Variants in ZNF521 observed in about 807,000 individuals in gnomAD.
The protein encoded by ZNF521 is LYST-interacting protein 3.
Under a neutral mutation model 105.5 loss-of-function variants are expected in ZNF521, and 14 were observed. That is an observed-to-expected ratio of 0.13 (90% confidence interval 0.09 to 0.21). ZNF521 has a LOEUF of 0.21. Among genes scored for constraint, ZNF521 ranks in the 10% least tolerant of loss-of-function variants. The probability of loss-of-function intolerance (pLI) is 1.00; values close to 1 mark genes in which losing one functional copy is unlikely to be tolerated. For missense variants in ZNF521, 1,233 were observed against 1,629.7 expected (o/e 0.76, Z 4.19); for synonymous variants, 635 against 606.0 (o/e 1.05, Z -0.70).
chr18:25,143,525 C>G (rs981454360), intron 5 of ZNF521, among the ~76,000 whole-genome samples: 2 of 152,124 alleles, frequency 1.3e-5, no homozygotes, highest in African/African-American at 4.8e-5. Context: ...AACTGCTAGC[C>G]TTCAGTTTAA....
chr18:25,350,171 C>T (rs915874760), intron 2 of ZNF521, among the ~76,000 whole-genome samples: 1 of 152,192 alleles, frequency 6.6e-6, no homozygotes, highest in Non-Finnish European at 1.5e-5. Context: ...GCACGCCCCG[C>T]AACTTCCCTC....
intron 5 of ZNF521, among the ~76,000 whole-genome samples, chr18:25,111,613 C>T (rs1231524675): frequency 6.6e-6 from 1 of 152,208 alleles, no homozygotes; most frequent in African/African-American, 2.4e-5. Flanking sequence ...AGTCAGTGAA[C>T]AATGTGCAGA....
chr18:25,173,364 A>G (rs1432791879), intron 5 of ZNF521, among the ~76,000 whole-genome samples: 1 of 152,170 alleles, frequency 6.6e-6, no homozygotes, highest in East Asian at 1.9e-4. Flanking sequence ...TCTGACCTGG[A>G]CACCTTTTCC....
At chr18:25,099,792 C>T (rs1029481607) in intron 5 of ZNF521, among the ~76,000 whole-genome samples, 2 of 152,144 alleles carry the variant, frequency 1.3e-5, no homozygotes, top group Non-Finnish European at 2.9e-5. Context: ...CTGGGACTTC[C>T]GGCAGTAGTG....
intron 5 of ZNF521, among the ~76,000 whole-genome samples, chr18:25,173,654 T>C (rs2035486070): frequency 6.6e-6 from 1 of 152,148 alleles, no homozygotes; most frequent in African/African-American, 2.4e-5. Context: ...GGGGAATAAT[T>C]GAAAATTGGC....
chr18:25,197,211 CTATGT>C (rs565658307), intron 4 of ZNF521, among the ~76,000 whole-genome samples: 1 of 151,782 alleles, frequency 6.6e-6, no homozygotes, highest in Non-Finnish European at 1.5e-5. Context: ...GTCTAAAATA[CTATGT>C]TATATTTTTT....
chr18:25,224,298 C>T (rs146141365), intron 4 of ZNF521, 47 bp downstream of exon 4: 16,338 of 1,502,296 alleles, frequency 0.011, 125 homozygotes, highest in Middle Eastern at 0.018. Flanking sequence ...AAGCAGGGAC[C>T]GTTTCTTGAG....
intron 2 of ZNF521, among the ~76,000 whole-genome samples, chr18:25,333,096 GAGT>G (rs1598483398): frequency 6.6e-6 from 1 of 151,566 alleles, no homozygotes; most frequent in Non-Finnish European, 1.5e-5. Context: ...ATATATACTA[GAGT>G]AGTATATATT....
At chr18:25,143,570 A>G (rs2034890491) in intron 5 of ZNF521, among the ~76,000 whole-genome samples, 1 of 152,182 alleles carries the variant, frequency 6.6e-6, no homozygotes, top group African/African-American at 2.4e-5. Context: ...AAGTGATATG[A>G]CATATATAGT....
chr18:25,345,972 GA>G (rs1011904362), intron 2 of ZNF521, among the ~76,000 whole-genome samples: 1 of 151,440 alleles, frequency 6.6e-6, no homozygotes, highest in African/African-American at 2.4e-5. Context: ...GTACAATCAT[GA>G]AAAAAAATCT....
intron 3 of ZNF521, among the ~76,000 whole-genome samples, chr18:25,274,431 A>T (rs1270303868): frequency 6.6e-6 from 1 of 152,224 alleles, no homozygotes; most frequent in Non-Finnish European, 1.5e-5. Flanking sequence ...CTGTTATCTA[A>T]ATACATAAAA....
chr18:25,067,447 CA>C (rs1423890677), intron 7 of ZNF521, among the ~76,000 whole-genome samples: 1 of 152,142 alleles, frequency 6.6e-6, no homozygotes, highest in Non-Finnish European at 1.5e-5. Context: ...TTTCATTTTA[CA>C]AGACTGGAAT....
At chr18:25,124,821 A>G (rs1372111480) in intron 5 of ZNF521, among the ~76,000 whole-genome samples, 1 of 152,170 alleles carries the variant, frequency 6.6e-6, no homozygotes, top group Non-Finnish European at 1.5e-5. Context: ...ACAGCTTCCA[A>G]AGCTCCTGAT....
chr18:25,061,965 C>T lies in ZNF521; in HGVS notation c.*747G>A, dbSNP rs984445131. ...ATTTATTTCCTCTTGGAAAACAATT[C>T]CAGTAATCTCCAGGTTCAGACTGCA... is the stretch of plus-strand genomic sequence containing the variant. On this transcript the variant is annotated 3_prime_UTR_variant, in exon 8 of 8. Coordinates refer to ENST00000361524, the MANE Select transcript of ZNF521 (RefSeq NM_015461.3). 6 of 182,624 alleles carry T rather than the reference C, an allele frequency of 3.3e-5. No homozygotes were observed. The highest frequency in any genetic ancestry group is 7.0e-5 in the Non-Finnish European group (6 of 85,870). 11.3% of individuals were successfully genotyped at this position (182,624 alleles called of 1,614,324 possible). A position where few individuals can be genotyped will look rare whatever the true frequency, so the allele number is the denominator to read the frequency against.
intron 5 of ZNF521, among the ~76,000 whole-genome samples, chr18:25,165,283 T>TG (rs1362673341): frequency 6.6e-6 from 1 of 152,238 alleles, no homozygotes; most frequent in Non-Finnish European, 1.5e-5. Flanking sequence ...GACAGAGCCC[T>TG]GCAGGCTCTT....
intron 3 of ZNF521, among the ~76,000 whole-genome samples, chr18:25,232,979 A>T (rs1190994066): frequency 6.6e-6 from 1 of 152,180 alleles, no homozygotes; most frequent in Admixed American, 6.5e-5. Context: ...TACCTGAGAC[A>T]CTTTAACATA....
At chr18:25,324,067 G>A (rs1313742371) in intron 2 of ZNF521, among the ~76,000 whole-genome samples, 3 of 152,262 alleles carry the variant, frequency 2.0e-5, no homozygotes, top group Admixed American at 6.5e-5. Context: ...ATTCTACACA[G>A]TGCCCATTTC....
At position 25,062,784 on chromosome 18, in the gene ZNF521, AAG is replaced by A. The variant is rs60933974; in HGVS notation, c.3907-45_3907-44del. On this transcript the variant is annotated intron_variant, in intron 7 of 7. Coordinates refer to ENST00000361524, the MANE Select transcript of ZNF521 (RefSeq NM_015461.3). The stretch of plus-strand genomic sequence containing the variant: ...AAAAAAAAAAAAAAAAAAAAAAAAA[AAG>A]AGAAGAGAGGGAAAACAAACTTCAG... The A allele has an allele frequency of 2.0e-4, 267 of 1,358,754 alleles. 3 individuals carry two copies. The African/African-American group carries it at 2.3e-3, about 12-fold the overall frequency. The allele number at this position is 1,358,754 out of a possible 1,614,324, so 84.2% of individuals were successfully genotyped here.
rs199909895 is a variant in ZNF521, at chr18:25,237,914, C to CA, written c.221-10218dup. Among the ~76,000 whole-genome samples, 812 of 152,258 alleles carry CA rather than the reference C, an allele frequency of 5.3e-3. 3 individuals carry two copies. Among genetic ancestry groups the CA allele is most frequent in the Middle Eastern group, 0.01 (3 of 294 alleles). ...GTCAAGGCTGTCATTCCTAACTTTT[C>CA]ATGTATATATATGAAACATAAGATT... On this transcript the variant is annotated intron_variant, in intron 3 of 7. Coordinates refer to ENST00000361524, the MANE Select transcript of ZNF521 (RefSeq NM_015461.3).
Sources: allele counts gnomAD v4.1 joint callset (sites outside exome capture counted in the v4.1 genomes callset), GRCh38; gene constraint gnomAD v4.1.1; transcripts MANE v1.5; gene names NCBI Gene and HGNC (gene_info 2026-07-23, HGNC 2026-07-21).